The following TFEC variants were observed in gnomAD, a reference collection of about 807,000 sequenced individuals.
The protein encoded by TFEC is class E basic helix-loop-helix protein 34.
TFEC carries 31 observed loss-of-function variants against 41.6 expected under a neutral mutation model. That is an observed-to-expected ratio of 0.74 (90% CI 0.56 to 1.01). The LOEUF is 1.01. TFEC is among the 50% of genes least tolerant of loss of function. The pLI, the probability that TFEC is intolerant of heterozygous loss-of-function variation, is 0.00. For synonymous variants in TFEC, 143 were observed against 140.6 expected (o/e 1.02, Z -0.12); for missense variants, 402 against 404.1 (o/e 0.99, Z 0.04).
intron 3 of TFEC, among the ~76,000 whole-genome samples, chr7:115,967,540 A>G (rs1394495289): frequency 6.6e-6 from 1 of 151,844 alleles, no homozygotes; most frequent in Non-Finnish European, 1.5e-5. Context: ...GACACACACC[A>G]TTAATATTCC....
At chr7:115,949,545 G>A (rs1187181797) in intron 6 of TFEC, among the ~76,000 whole-genome samples, 5 of 151,968 alleles carry the variant, frequency 3.3e-5, no homozygotes, top group Admixed American at 6.6e-5. Flanking sequence ...AAATAATACC[G>A]CATATATAAA....
chr7:116,081,355 G>T (rs191160197), intron 3 of TFEC, among the ~76,000 whole-genome samples: 1 of 151,936 alleles, frequency 6.6e-6, no homozygotes, highest in African/African-American at 2.4e-5. Context: ...GAAATATTAT[G>T]ATCACAATGT....
At chr7:116,005,883 G>A (rs562230442) in intron 1 of TFEC, among the ~76,000 whole-genome samples, 1 of 152,324 alleles carries the variant, frequency 6.6e-6, no homozygotes, top group South Asian at 2.1e-4. Context: ...GAAATTTGGT[G>A]TCCTGTGTCC....
At chr7:115,995,863 G>A (rs936765976) in intron 1 of TFEC, among the ~76,000 whole-genome samples, 1 of 152,188 alleles carries the variant, frequency 6.6e-6, no homozygotes, top group Admixed American at 6.5e-5. Flanking sequence ...GAACACAGCT[G>A]GCACCCGCAG....
rs1049876586 is a variant in TFEC, at chr7:115,939,989, C to T, written c.*562G>A. The T allele has an allele frequency of 1.3e-5, 2 of 152,008 alleles. No individual in the cohort carries two copies. The highest frequency in any genetic ancestry group is 1.3e-4 in the Admixed American group (2 of 15,226). The allele number at this position is 152,008 out of a possible 1,614,324, so 9.4% of individuals were successfully genotyped here. A position where few individuals can be genotyped will look rare whatever the true frequency, so the allele number is the denominator to read the frequency against. The stretch of plus-strand genomic sequence containing the variant: ...CATATTTTATTGTGGAAAATTCTCA[C>T]ATTTATTGTAGATTTGCCTTTCAAC... On this transcript the variant is annotated 3_prime_UTR_variant, in exon 8 of 8. Coordinates refer to ENST00000265440, the MANE Select transcript of TFEC (RefSeq NM_012252.4).
chr7:116,027,063 C>A (rs1010785339), intron 1 of TFEC, among the ~76,000 whole-genome samples: 3 of 151,974 alleles, frequency 2.0e-5, no homozygotes, highest in African/African-American at 7.3e-5. Context: ...TCAGTAGGTT[C>A]AAATCCATTT....
At chr7:116,013,979 T>C (rs1193383979) in intron 1 of TFEC, among the ~76,000 whole-genome samples, 3 of 152,144 alleles carry the variant, frequency 2.0e-5, no homozygotes, top group Non-Finnish European at 4.4e-5. Flanking sequence ...TAACTTTAGA[T>C]GAGTGTTTTA....
At chr7:116,100,325 A>C (rs2115950828) in intron 3 of TFEC, among the ~76,000 whole-genome samples, 1 of 152,312 alleles carries the variant, frequency 6.6e-6, no homozygotes, top group East Asian at 1.9e-4. Context: ...CTGTCACTGT[A>C]ATTTTGCCAA....
chr7:116,108,038 T>C (rs759648896), intron 3 of TFEC, among the ~76,000 whole-genome samples: 3 of 152,134 alleles, frequency 2.0e-5, no homozygotes, highest in Non-Finnish European at 4.4e-5. Context: ...ATTATAGAAC[T>C]CAGAATCTTC....
At chr7:116,027,474 T>C (rs182924904) in intron 1 of TFEC, among the ~76,000 whole-genome samples, 8 of 152,156 alleles carry the variant, frequency 5.3e-5, no homozygotes, top group Admixed American at 2.6e-4. Flanking sequence ...TGCATGCCTG[T>C]AGTACCAGCT....
At chr7:116,070,375 A>C (rs1338705697) in intron 3 of TFEC, among the ~76,000 whole-genome samples, 4 of 151,492 alleles carry the variant, frequency 2.6e-5, no homozygotes, top group Non-Finnish European at 5.9e-5. Context: ...AATGTCCCAA[A>C]ATGTATTCAT....
chr7:116,155,249 A>G (rs1338195164), intron 1 of TFEC, among the ~76,000 whole-genome samples: 1 of 152,238 alleles, frequency 6.6e-6, no homozygotes, highest in Non-Finnish European at 1.5e-5. Flanking sequence ...TAGCTTCCTT[A>G]AAGAACTAAT....
intron 3 of TFEC, among the ~76,000 whole-genome samples, chr7:116,107,997 T>C (rs1468554384): frequency 6.6e-6 from 1 of 152,162 alleles, no homozygotes; most frequent in Non-Finnish European, 1.5e-5. Flanking sequence ...GCTGTGAGGA[T>C]AATGATGAGG....
intron 3 of TFEC, among the ~76,000 whole-genome samples, chr7:115,958,610 T>C (rs1381126993): frequency 6.6e-6 from 1 of 151,866 alleles, no homozygotes; most frequent in African/African-American, 2.4e-5. Flanking sequence ...AAGAGGTACC[T>C]AACTATAGCA....
At chr7:116,119,683 T>C (rs146806635) in intron 1 of TFEC, among the ~76,000 whole-genome samples, 1 of 151,958 alleles carries the variant, frequency 6.6e-6, no homozygotes, top group African/African-American at 2.4e-5. Flanking sequence ...ATAATATAAA[T>C]GTAAAAATTT....
intron 3 of TFEC, among the ~76,000 whole-genome samples, chr7:115,967,243 A>C (rs1182381404): frequency 6.6e-6 from 1 of 151,466 alleles, no homozygotes; most frequent in African/African-American, 2.4e-5. Context: ...GTGCACTATG[A>C]TATATTTAAT....
At position 115,950,834 on chromosome 7, in the gene TFEC, T is replaced by A. The variant is rs1791896406; in HGVS notation, c.515+40A>T. 5 of 1,505,222 alleles carry A rather than the reference T, an allele frequency of 3.3e-6. No individual in the cohort carries two copies. In the African/African-American group the frequency reaches 7.0e-5, roughly 21 times the overall value. The allele number at this position is 1,505,222 out of a possible 1,614,324, so 93.2% of individuals were successfully genotyped here. ...CCCTCCCATTCATTTTGGGGGTCTT[T>A]AAATTATAACATTATTATAGAAATG... On this transcript the variant is annotated intron_variant, in intron 6 of 7. Transcript: ENST00000265440.
At chr7:116,026,924 A>G (rs941138689) in intron 1 of TFEC, among the ~76,000 whole-genome samples, 1 of 152,216 alleles carries the variant, frequency 6.6e-6, no homozygotes, top group African/African-American at 2.4e-5. Flanking sequence ...AACACTAGAG[A>G]GTATTACTAA....
chr7:116,143,691 T>C (rs1798586065), intron 1 of TFEC, among the ~76,000 whole-genome samples: 1 of 152,144 alleles, frequency 6.6e-6, no homozygotes. Flanking sequence ...TAGAAAAGGA[T>C]CTGGGAAGAG....
Sources: allele counts gnomAD v4.1 joint callset (sites outside exome capture counted in the v4.1 genomes callset), GRCh38; gene constraint gnomAD v4.1.1; transcripts MANE v1.5; gene names NCBI Gene and HGNC (gene_info 2026-07-23, HGNC 2026-07-21).